NMNAT3: variants seen among roughly 807,000 people sequenced by gnomAD.
NMNAT3 encodes nicotinamide nucleotide adenylyltransferase 3.
NMNAT3 carries 21 observed loss-of-function variants against 24.8 expected under a neutral mutation model. The ratio of observed to expected loss-of-function variants is 0.85; its 90% CI spans 0.60 to 1.22. The LOEUF (loss-of-function observed/expected upper bound fraction) is 1.22. Among genes scored for constraint, NMNAT3 ranks in the 50% most tolerant of loss-of-function variants. The probability of loss-of-function intolerance (pLI) is 0.00; values close to 1 mark genes in which losing one functional copy is unlikely to be tolerated. For synonymous variants in NMNAT3, 136 were observed against 155.2 expected (o/e 0.88, Z 0.92); for missense variants, 387 against 436.6 (o/e 0.89, Z 1.01).
At chr3:139,642,710 T>C (rs2056746809) in intron 1 of NMNAT3, among the ~76,000 whole-genome samples, 1 of 152,062 alleles carries the variant, frequency 6.6e-6, no homozygotes, top group Non-Finnish European at 1.5e-5. Flanking sequence ...GGTAGAATGG[T>C]CTCCACATTC....
intron 3 of NMNAT3, among the ~76,000 whole-genome samples, chr3:139,608,936 T>C (rs1162747664): frequency 1.3e-5 from 2 of 152,256 alleles, no homozygotes; most frequent in Non-Finnish European, 2.9e-5. Flanking sequence ...ACCACTGATA[T>C]GTTCCTTACT....
chr3:139,661,726 C>T (rs914022338), intron 1 of NMNAT3, among the ~76,000 whole-genome samples: 7 of 152,084 alleles, frequency 4.6e-5, no homozygotes, highest in East Asian at 1.9e-4. Context: ...ACATAGAGGT[C>T]GCCCCCCCAA....
At chr3:139,629,234 T>C (rs1371225417) in intron 2 of NMNAT3, among the ~76,000 whole-genome samples, 1 of 152,146 alleles carries the variant, frequency 6.6e-6, no homozygotes, top group Non-Finnish European at 1.5e-5. Flanking sequence ...GAGATGCCCA[T>C]GGGCCCAGGA....
In NMNAT3 at chr3:139,573,045, C is replaced by T. The variant is rs139995896; in HGVS notation, c.658+553G>A. Among the ~76,000 whole-genome samples the T allele has an allele frequency of 3.9e-3, 599 of 152,326 alleles. 4 individuals are homozygous for T. The highest frequency in any genetic ancestry group is 0.014 in the African/African-American group (574 of 41,568). On this transcript the variant is annotated intron_variant, in intron 6 of 6. Transcript: ENST00000643695. ...ACCAGGGCAGCTCATACTGTGAAAT[C>T]ACAGCCAACAAGGTTTTCTCGAACA...
chr3:139,571,872 T>G (rs564975190), intron 6 of NMNAT3, among the ~76,000 whole-genome samples: 1 of 152,318 alleles, frequency 6.6e-6, no homozygotes, highest in African/African-American at 2.4e-5. Context: ...GATGGTGGCC[T>G]CAGTGTGTTG....
intron 1 of NMNAT3, among the ~76,000 whole-genome samples, chr3:139,651,332 T>C (rs2057049403): frequency 6.6e-6 from 1 of 152,144 alleles, no homozygotes; most frequent in Non-Finnish European, 1.5e-5. Context: ...TGCAAAGTAG[T>C]TTCTGTATTA....
At chr3:139,594,780 C>A (rs2054367101) in intron 3 of NMNAT3, among the ~76,000 whole-genome samples, 1 of 152,160 alleles carries the variant, frequency 6.6e-6, no homozygotes, top group Non-Finnish European at 1.5e-5. Flanking sequence ...GCTAAAAACT[C>A]TCAATAAATT....
intron 2 of NMNAT3, chr3:139,637,740 A>C (rs996726778): frequency 5.3e-5 from 8 of 152,160 alleles, no homozygotes; most frequent in African/African-American, 1.7e-4. Context: ...GTTCTCTTCC[A>C]TGCCAACTCT....
At chr3:139,590,067 C>G (rs2054099639) in intron 3 of NMNAT3, among the ~76,000 whole-genome samples, 1 of 152,142 alleles carries the variant, frequency 6.6e-6, no homozygotes, top group African/African-American at 2.4e-5. Flanking sequence ...GGATGTCCAG[C>G]TAGGACCTGG....
In NMNAT3 at chr3:139,561,046, G is replaced by C; in HGVS notation, c.1005C>G (p.Gly335=). The C allele has an allele frequency of 6.2e-7, 1 of 1,613,756 alleles. No individual in the cohort carries two copies. Among genetic ancestry groups the C allele is most frequent in the Non-Finnish European group, 8.5e-7 (1 of 1,179,966 alleles). ...TGCCCTCAGTGCTCTGGGTGCTTTT[G>C]CCTTTCCAGGTACTGCCCTTGGTGT... Residue 335 remains glycine, a synonymous_variant, in exon 7 of 7, where the codon GGC becomes GGG. Coordinates refer to ENST00000643695, the MANE Select transcript of NMNAT3 (RefSeq NM_001320510.2).
Position 139,561,206 on chromosome 3 carries a change from T to C in NMNAT3, c.845A>G (p.Asn282Ser). 6.2e-7 allele frequency: 1 copy of C among 1,614,112 alleles called. No individual in the cohort carries two copies. Residue 282 changes from asparagine (N) to serine (S), a missense_variant, in exon 7 of 7, where the codon AAC (asparagine) becomes AGC (serine). By Grantham distance (46) the Asn-to-Ser change is conservative. This residue lies in a region of NMNAT3 where 323 missense variants were observed against 345.2 expected (regional missense o/e 0.94). Coordinates refer to ENST00000643695, the MANE Select transcript of NMNAT3 (RefSeq NM_001320510.2). ...CACAGGCTCCTTGGCCAGGTGAATG[T>C]TGTGCTGGTGCATCCGTAGGATGGG...
intron 6 of NMNAT3, among the ~76,000 whole-genome samples, chr3:139,571,813 G>T (rs1938406040): frequency 6.6e-6 from 1 of 152,174 alleles, no homozygotes; most frequent in African/African-American, 2.4e-5. Context: ...CAGGCAAAAA[G>T]CTGAGACAGG....
rs113527916 is a variant in NMNAT3, at chr3:139,643,714, C to T, written c.-140-5652G>A. Among the ~76,000 whole-genome samples, 1,139 of 151,834 alleles carry T rather than the reference C, an allele frequency of 7.5e-3. 10 individuals are homozygous for T. The highest frequency in any genetic ancestry group is 0.026 in the African/African-American group (1,057 of 41,398). Reference sequence around the variant, plus strand: ...ATAAGATAAAGTAGAATGGCGGTGCCGGGGGTGGGAGGAGAGGGGGAAGGA... The same window carrying T: ...ATAAGATAAAGTAGAATGGCGGTGCTGGGGGTGGGAGGAGAGGGGGAAGGA... On this transcript the variant is annotated intron_variant, in intron 1 of 6. Coordinates refer to ENST00000643695, the MANE Select transcript of NMNAT3 (RefSeq NM_001320510.2).
At chr3:139,643,719 G>A (rs77623267) in intron 1 of NMNAT3, among the ~76,000 whole-genome samples, 4,970 of 152,202 alleles carry the variant, frequency 0.033, 275 homozygotes, top group East Asian at 0.22. Flanking sequence ...GGTGCCGGGG[G>A]TGGGAGGAGA....
intron 3 of NMNAT3, among the ~76,000 whole-genome samples, chr3:139,591,086 C>T (rs1295322923): frequency 1.3e-5 from 2 of 151,590 alleles, no homozygotes; most frequent in Non-Finnish European, 2.9e-5. Flanking sequence ...GAGTGCCAGA[C>T]AGTGGGCGCA....
chr3:139,596,601 C>T (rs910419910), intron 3 of NMNAT3, among the ~76,000 whole-genome samples: 1 of 151,932 alleles, frequency 6.6e-6, no homozygotes, highest in African/African-American at 2.4e-5. Flanking sequence ...AAACAATTAC[C>T]TTTTGATATC....
In NMNAT3 at chr3:139,561,304, T is replaced by C; in HGVS notation, c.747A>G (p.Glu249=). The C allele has an allele frequency of 6.2e-7, 1 of 1,614,044 alleles. No individual in the cohort carries two copies. The highest frequency in any genetic ancestry group is 8.5e-7 in the Non-Finnish European group (1 of 1,179,986). Residue 249 remains glutamate, a synonymous_variant, in exon 7 of 7, where the codon GAA becomes GAG. Transcript: ENST00000643695. ...ACACCAAGCCAAACTTCTCCACTATTTCCTGGATGTGCGCATCCTTCCAGA... is the reference window on the plus strand; with the variant it reads ...ACACCAAGCCAAACTTCTCCACTATCTCCTGGATGTGCGCATCCTTCCAGA...
chr3:139,611,491 T>C (rs2108258062), intron 3 of NMNAT3, among the ~76,000 whole-genome samples: 1 of 152,346 alleles, frequency 6.6e-6, no homozygotes, highest in African/African-American at 2.4e-5. Flanking sequence ...GCAAGTGAGT[T>C]TGACACCAAA....
intron 3 of NMNAT3, among the ~76,000 whole-genome samples, chr3:139,619,893 A>C (rs191044314): frequency 4.7e-4 from 71 of 152,336 alleles, no homozygotes; most frequent in African/African-American, 1.7e-3. Context: ...AGAGATAAGG[A>C]CACATTTTAT....
Sources: gnomAD v4.1 joint callset for allele counts (sites outside exome capture counted in the v4.1 genomes callset) on GRCh38, gnomAD v4.1.1 for gene constraint, gnomAD v4.1.1 regional missense constraint, MANE v1.5 for transcripts, NCBI Gene and HGNC (gene_info 2026-07-23, HGNC 2026-07-21) for gene names.